Variants in CSMD3 observed in about 807,000 individuals in gnomAD.
CSMD3 encodes CUB and sushi domain-containing protein 3.
In CSMD3, 177 loss-of-function variants were observed where a neutral mutation model predicts 435.2. The ratio of observed to expected loss-of-function variants is 0.41; its 90% CI spans 0.36 to 0.46. CSMD3 has a LOEUF of 0.46. CSMD3 is among the 20% of genes least tolerant of loss of function. The probability of loss-of-function intolerance (pLI) is 0.34; values close to 1 mark genes in which losing one functional copy is unlikely to be tolerated. For synonymous variants in CSMD3, 1,656 were observed against 1,520.5 expected (o/e 1.09, Z -2.07); for missense variants, 4,265 against 4,504.6 (o/e 0.95, Z 1.52).
At chr8:113,383,572 T>A (rs1193697682) in intron 1 of CSMD3, among the ~76,000 whole-genome samples, 1 of 152,052 alleles carries the variant, frequency 6.6e-6, no homozygotes, top group Non-Finnish European at 1.5e-5. Flanking sequence ...GAATATAAAG[T>A]TTGGAGAGAC....
intron 28 of CSMD3, among the ~76,000 whole-genome samples, chr8:112,513,612 C>CATACCAAAATATA (rs1563642110): frequency 1.3e-5 from 2 of 152,032 alleles, no homozygotes; most frequent in Non-Finnish European, 2.9e-5. Context: ...AATACAGGGA[C>CATACCAAAATATA]ATGAAGTGAG....
At chr8:112,390,929 G>T in intron 35 of CSMD3, 141 bp from the exon 36 acceptor site, 1 of 811,944 alleles carries the variant, frequency 1.2e-6, no homozygotes, top group East Asian at 2.7e-5. Context: ...TAAAAGCAAT[G>T]AAAATGAAGT....
intron 13 of CSMD3, among the ~76,000 whole-genome samples, chr8:112,750,353 A>T (rs1465069164): frequency 1.3e-5 from 2 of 151,864 alleles, no homozygotes; most frequent in African/African-American, 4.8e-5. Context: ...ATTAAATATC[A>T]ACTATGGGTA....
At chr8:112,314,851 G>T (rs886360413) in intron 47 of CSMD3, among the ~76,000 whole-genome samples, 4 of 151,714 alleles carry the variant, frequency 2.6e-5, no homozygotes, top group Non-Finnish European at 2.9e-5. Flanking sequence ...ACCACTTTCT[G>T]GACATAAATA....
chr8:112,673,858 C>A (rs1280427661), intron 16 of CSMD3, among the ~76,000 whole-genome samples: 2 of 152,084 alleles, frequency 1.3e-5, no homozygotes, highest in African/African-American at 4.8e-5. Context: ...GCAGGGAGTT[C>A]TGTGCTGAGG....
At chr8:113,042,229 G>A (rs758311694) in intron 5 of CSMD3, among the ~76,000 whole-genome samples, 1 of 152,032 alleles carries the variant, frequency 6.6e-6, no homozygotes, top group Admixed American at 6.6e-5. Context: ...TATTGCACTC[G>A]TTTTGAAAGA....
chr8:112,819,422 C>G (rs758636001), intron 12 of CSMD3, among the ~76,000 whole-genome samples: 54 of 152,182 alleles, frequency 3.5e-4, no homozygotes, highest in Non-Finnish European at 1.0e-4. Flanking sequence ...TTCAGGTTCA[C>G]TCAAATTTAT....
chr8:113,406,914 A>G (rs2094535364), intron 1 of CSMD3, among the ~76,000 whole-genome samples: 1 of 152,084 alleles, frequency 6.6e-6, no homozygotes, highest in Non-Finnish European at 1.5e-5. Flanking sequence ...TTATTGTTAA[A>G]TTTATGGTAG....
chr8:112,892,514 A>C (rs1406860904), intron 10 of CSMD3, among the ~76,000 whole-genome samples: 2 of 151,588 alleles, frequency 1.3e-5, no homozygotes, highest in African/African-American at 4.8e-5. Flanking sequence ...GCCCTTCAAT[A>C]AAAGGAAGAA....
intron 5 of CSMD3, among the ~76,000 whole-genome samples, chr8:113,020,934 T>C (rs2086664258): frequency 6.6e-6 from 1 of 152,200 alleles, no homozygotes; most frequent in Non-Finnish European, 1.5e-5. Context: ...AACCCAACTT[T>C]CCTAAGATGT....
Position 112,336,754 on chromosome 8 carries a change from A to G in CSMD3, c.6917T>C (p.Phe2306Ser). The G allele has an allele frequency of 6.2e-7, 1 of 1,613,342 alleles. No individual in the cohort carries two copies. The highest frequency in any genetic ancestry group is 8.5e-7 in the Non-Finnish European group (1 of 1,179,412). Residue 2306 changes from phenylalanine to serine, a missense_variant, in exon 44 of 71, where the codon TTT becomes TCT. Physicochemically the swap from Phe to Ser is radical, Grantham distance 155. This residue lies in a region of CSMD3 where 3,255 missense variants were observed against 3,380.2 expected (regional missense o/e 0.96). Coordinates refer to ENST00000297405, the MANE Select transcript of CSMD3 (RefSeq NM_198123.2). ...TCTTACAAGCCAAAAACAATCTTGA[A>G]AGTTTGGATATTCATCAGGATACCC... ...SPGYPDEYPN[F>S]QDCFWLVRVP...
At chr8:112,366,197 A>T (rs140323243) in intron 38 of CSMD3, among the ~76,000 whole-genome samples, 2 of 152,296 alleles carry the variant, frequency 1.3e-5, no homozygotes, top group African/African-American at 4.8e-5. Flanking sequence ...AGTTCAAGGC[A>T]TTCTGCTGGT....
intron 35 of CSMD3, among the ~76,000 whole-genome samples, chr8:112,405,230 T>TATATATATATATATATATAC (rs1831723585): frequency 7.8e-5 from 8 of 102,892 alleles, no homozygotes; most frequent in African/African-American, 3.3e-4. Context: ...TATATATATA[T>TATATATATATATATATATAC]ATATATATAT....
intron 3 of CSMD3, among the ~76,000 whole-genome samples, chr8:113,213,482 A>G (rs2092863982): frequency 6.6e-6 from 1 of 151,820 alleles, no homozygotes. Flanking sequence ...CCAAATAAAA[A>G]CTTCACAGAA....
chr8:113,394,159 TAC>T (rs3080772), intron 1 of CSMD3, among the ~76,000 whole-genome samples: 7,176 of 137,050 alleles, frequency 0.052, 165 homozygotes, highest in Middle Eastern at 0.082. Flanking sequence ...TTTGTTGAAT[TAC>T]ACACACACAC....
At position 112,483,483 on chromosome 8, in the gene CSMD3, G is replaced by GA. The variant is rs201314138; in HGVS notation, c.5278+9005dup. On this transcript the variant is annotated intron_variant, in intron 31 of 70. Coordinates refer to ENST00000297405, the MANE Select transcript of CSMD3 (RefSeq NM_198123.2). ...AGGCAACAGAGTGAGACTCCACCTC[G>GA]AAAAAAAAAGAAAAATAAGAGAAAG... 1.0e-3 allele frequency among the ~76,000 whole-genome samples: 153 copies of GA among 149,748 alleles called. 1 individual carries two copies. The highest frequency in any genetic ancestry group is 3.4e-3 in the Middle Eastern group (1 of 290).
At chr8:112,663,388 A>C (rs1261206182) in intron 17 of CSMD3, among the ~76,000 whole-genome samples, 1 of 151,244 alleles carries the variant, frequency 6.6e-6, no homozygotes, top group Non-Finnish European at 1.5e-5. Context: ...TCGCGAGGAC[A>C]AAAAACCAAA....
In CSMD3 at chr8:113,203,002, G is replaced by C. The variant is rs546920038; in HGVS notation, c.515-29086C>G. On this transcript the variant is annotated intron_variant, in intron 3 of 70. Coordinates refer to ENST00000297405, the MANE Select transcript of CSMD3 (RefSeq NM_198123.2). ...GATTTCGCTGGTGACTCAGTTTACA[G>C]AGAAACCCATATTTTTTCAACTGAA... 3.3e-5 allele frequency among the ~76,000 whole-genome samples: 5 copies of C among 152,228 alleles called. No homozygotes were observed. In the South Asian group the frequency reaches 1.0e-3, roughly 32 times the overall value.
At chr8:112,490,133 C>A (rs1215988806) in intron 31 of CSMD3, among the ~76,000 whole-genome samples, 1 of 152,106 alleles carries the variant, frequency 6.6e-6, no homozygotes, top group Non-Finnish European at 1.5e-5. Flanking sequence ...TATTTATATT[C>A]CAACTTTTGT....
Sources: allele counts gnomAD v4.1 joint callset (sites outside exome capture counted in the v4.1 genomes callset), GRCh38; gene constraint gnomAD v4.1.1; regional missense constraint gnomAD v4.1.1; transcripts MANE v1.5; gene names NCBI Gene and HGNC (gene_info 2026-07-23, HGNC 2026-07-21).